Variants in SPATA31C1 observed in about 807,000 individuals in gnomAD.
SPATA31C1 encodes the protein spermatogenesis-associated protein 31C1.
chr9:87,920,928 C>A (rs578021136), exon 5 of SPATA31C1: 2 of 1,613,120 alleles, frequency 1.2e-6, no homozygotes, highest in Non-Finnish European at 1.7e-6. Flanking sequence ...TGAGTCCCAA[C>A]CCTTTATTTC....
chr9:87,922,647 C>A, exon 5 of SPATA31C1: 1 of 1,608,670 alleles, frequency 6.2e-7, no homozygotes, highest in Non-Finnish European at 8.5e-7. Context: ...CCAGAGCACG[C>A]CTACTGGGAA....
At chr9:87,921,908 A>G in exon 5 of SPATA31C1, 1 of 1,611,960 alleles carries the variant, frequency 6.2e-7, no homozygotes, top group Non-Finnish European at 8.5e-7. Flanking sequence ...GGTGGGGTCT[A>G]CCCCTCAGGG....
exon 5 of SPATA31C1, chr9:87,921,157 C>G (rs748053095): frequency 1.2e-6 from 2 of 1,611,866 alleles, no homozygotes; most frequent in Non-Finnish European, 8.5e-7. Context: ...GGTGGGTTGG[C>G]TTTACCCTCT....
chr9:87,919,529 C>T (rs562357521), intron 3 of SPATA31C1, among the ~76,000 whole-genome samples, 181 bp downstream of exon 2: 6 of 103,108 alleles, frequency 5.8e-5, no homozygotes, highest in African/African-American at 1.2e-4. Flanking sequence ...AGGGACTGAG[C>T]GTTACCCAGC....
rs1828905667 is a variant in SPATA31C1 at position 87,922,662 on chromosome 9, C to A, written n.3052C>A. 3.7e-6 allele frequency: 6 copies of A among 1,608,258 alleles called. No individual in the cohort carries two copies. In the African/African-American group the frequency reaches 4.0e-5, roughly 11 times the overall value. On this transcript the variant is annotated non_coding_transcript_exon_variant, in exon 5 of 5. Coordinates refer to ENST00000420021, the Ensembl canonical transcript of SPATA31C1. ...CCAGAGCACGCCTACTGGGAACATG[C>A]AGGCTTCCCAGGAGCTATGTGACCT...
rs763902121 is a variant in SPATA31C1, at chr9:87,921,411, G to A, written n.1801G>A. ...GCCCTGGCAGTCCTCCACGTCCACA[G>A]GTGAAAGCAGCAAGGAGGCACAGAC... On this transcript the variant is annotated non_coding_transcript_exon_variant, in exon 5 of 5. Coordinates refer to ENST00000420021, the Ensembl canonical transcript of SPATA31C1. 1.2e-5 allele frequency: 20 copies of A among 1,611,694 alleles called. No individual in the cohort carries two copies. In the Admixed American group the frequency reaches 3.2e-4, roughly 26 times the overall value.
chr9:87,919,005 G>A lies in SPATA31C1; in HGVS notation n.523-286G>A, dbSNP rs1409577896. On this transcript the variant is annotated intron_variant and non_coding_transcript_variant, in intron 2 of 4. Coordinates refer to ENST00000420021, the Ensembl canonical transcript of SPATA31C1. ...GGCTGGTCTCAAACTCTTGACCTCA[G>A]GTGATCCACCTGCCTCGGCCTCCCA... The A allele has an allele frequency of 1.2e-4, 58 of 468,376 alleles. 1 individual carries two copies. The East Asian group carries it at 1.5e-3, about 12-fold the overall frequency. The allele number at this position is 468,376 out of a possible 1,614,324, so 29.0% of individuals were successfully genotyped here.
chr9:87,920,990 C>G (rs1462303489), exon 5 of SPATA31C1: 1 of 1,612,878 alleles, frequency 6.2e-7, no homozygotes, highest in Non-Finnish European at 8.5e-7. Flanking sequence ...AGGCTCAGGC[C>G]CATCTTCAAT....
At chr9:87,916,084 G>C (rs1385750958) in intron 1 of SPATA31C1, among the ~76,000 whole-genome samples, 2 of 143,584 alleles carry the variant, frequency 1.4e-5, no homozygotes, top group Non-Finnish European at 3.1e-5. Context: ...AGGGGTGGTA[G>C]TGTATGGAAA....
At chr9:87,916,811 C>T in intron 1 of SPATA31C1, among the ~76,000 whole-genome samples, 1 of 82,184 alleles carries the variant, frequency 1.2e-5, no homozygotes, top group Admixed American at 1.2e-4. Context: ...TCCTGGCTAA[C>T]ACGGTGAAAC....
chr9:87,921,284 G>A, exon 5 of SPATA31C1: 1 of 1,611,992 alleles, frequency 6.2e-7, no homozygotes, highest in Non-Finnish European at 8.5e-7. Flanking sequence ...GGAGACAACT[G>A]GAGCAATACA....
exon 5 of SPATA31C1, chr9:87,920,523 G>C (rs750692988): frequency 1.2e-6 from 2 of 1,613,760 alleles, no homozygotes; most frequent in Middle Eastern, 1.7e-4. Flanking sequence ...CCTTCTCCTA[G>C]AACGCCCCTC....
chr9:87,920,819 C>A, exon 5 of SPATA31C1: 1 of 1,613,864 alleles, frequency 6.2e-7, no homozygotes, highest in Non-Finnish European at 8.5e-7. Context: ...CCTGGTGCAT[C>A]TTCAACTCGT....
At chr9:87,921,579 A>G (rs758349364) in exon 5 of SPATA31C1, 46 of 1,611,926 alleles carry the variant, frequency 2.9e-5, no homozygotes, top group Non-Finnish European at 3.6e-5. Context: ...AAGGAACCTG[A>G]GGAAGCCCTT....
chr9:87,920,133 C>G (rs868720667), intron 4 of SPATA31C1, 119 bp from the exon 4 acceptor site: 2 of 1,599,210 alleles, frequency 1.3e-6, no homozygotes, highest in Non-Finnish European at 1.7e-6. Context: ...ATTGGGTGGT[C>G]AGGGTGTGGC....
intron 1 of SPATA31C1, among the ~76,000 whole-genome samples, chr9:87,916,480 C>T: frequency 6.7e-6 from 1 of 149,238 alleles, no homozygotes; most frequent in South Asian, 2.2e-4. Flanking sequence ...GCAAACCACA[C>T]CTGATAAACC....
Position 87,920,686 on chromosome 9 carries a change from A to G in SPATA31C1, n.1076A>G, listed in dbSNP as rs754569215. The G allele has an allele frequency of 3.7e-6, 6 of 1,613,812 alleles. No homozygotes were observed. In the East Asian group the frequency reaches 1.1e-4, roughly 30 times the overall value. Reference sequence around the variant, plus strand: ...TGTGACTCAGTGGCACTTCCACTGGACACCGTCCCTCAAAGCTTGTCTCCA... The same window carrying G: ...TGTGACTCAGTGGCACTTCCACTGGGCACCGTCCCTCAAAGCTTGTCTCCA... On this transcript the variant is annotated non_coding_transcript_exon_variant, in exon 5 of 5. Coordinates refer to ENST00000420021, the Ensembl canonical transcript of SPATA31C1.
At chr9:87,916,210 C>T (rs1432769834) in intron 1 of SPATA31C1, among the ~76,000 whole-genome samples, 6 of 137,246 alleles carry the variant, frequency 4.4e-5, no homozygotes, top group African/African-American at 1.6e-4. Flanking sequence ...CAATTAGATA[C>T]CAATGGTGGT....
chr9:87,919,059 C>T (rs1006043598), intron 2 of SPATA31C1, 196 bp from the exon 2 acceptor site: 53 of 882,538 alleles, frequency 6.0e-5, no homozygotes, highest in African/African-American at 5.1e-4. Context: ...CGTGAGCCAC[C>T]GCACCCGACC....
Sources: gnomAD v4.1 joint callset for allele counts (sites outside exome capture counted in the v4.1 genomes callset) on GRCh38, gnomAD v4.1.1 for gene constraint, MANE v1.5 for transcripts, NCBI Gene and HGNC (gene_info 2026-07-23, HGNC 2026-07-21) for gene names.